Variants in EFL1 observed in about 807,000 individuals in gnomAD.
The protein encoded by EFL1 is elongation factor like GTPase 1.
In EFL1, 76 loss-of-function variants were observed where a neutral mutation model predicts 126.7. The observed-to-expected ratio is 0.60, with a 90% confidence interval of 0.50 to 0.73. The LOEUF is 0.73. Among genes scored for constraint, EFL1 ranks in the 30% least tolerant of loss-of-function variants. EFL1 has a pLI of 0.00. For missense variants in EFL1, 1,128 were observed against 1,343.2 expected (o/e 0.84, Z 2.50); for synonymous variants, 410 against 448.4 (o/e 0.91, Z 1.08).
At chr15:82,240,774 G>A (rs1005955205) in intron 5 of EFL1, among the ~76,000 whole-genome samples, 1 of 152,210 alleles carries the variant, frequency 6.6e-6, no homozygotes, top group Non-Finnish European at 1.5e-5. Context: ...AATAAGGCCG[G>A]GCATGGTGGG....
chr15:82,147,686 AAATACAACTAACACACAC>A (rs1355952406), intron 18 of EFL1, among the ~76,000 whole-genome samples: 3 of 152,106 alleles, frequency 2.0e-5, no homozygotes, highest in Non-Finnish European at 4.4e-5. Flanking sequence ...ACAGGAAAAA[AAATACAACTAACACACAC>A]CATAGGTTCT....
At chr15:82,209,365 C>A (rs1170123828) in intron 15 of EFL1, among the ~76,000 whole-genome samples, 1 of 145,488 alleles carries the variant, frequency 6.9e-6, no homozygotes, top group African/African-American at 2.7e-5. Context: ...ATTATCAACA[C>A]TGACTTCCTA....
chr15:82,152,314 T>C lies in EFL1; in HGVS notation c.2140A>G (p.Lys714Glu). 1 of 1,614,120 alleles carries C rather than the reference T, an allele frequency of 6.2e-7. No individual in the cohort carries two copies. Among genetic ancestry groups the C allele is most frequent in the Non-Finnish European group, 8.5e-7 (1 of 1,180,008 alleles). ...TTCATTTGGTGTATGACTGCAACTT[T>C]TTGCTGTTTGCCTATTTCTTCATTG... ...MVNEEIGKQQKVAVIHQMKED... is the reference protein window; with the variant it reads ...MVNEEIGKQQEVAVIHQMKED... The change falls in exon 18 of 20, where the codon AAA becomes GAA. Residue 714 changes from lysine to glutamate, a missense_variant. Lys to Glu is a moderately conservative substitution (Grantham distance 56). Coordinates refer to ENST00000268206, the MANE Select transcript of EFL1 (RefSeq NM_024580.6).
intron 11 of EFL1, among the ~76,000 whole-genome samples, chr15:82,225,975 A>T (rs570147418): frequency 1.8e-4 from 28 of 152,340 alleles, no homozygotes; most frequent in African/African-American, 6.7e-4. Flanking sequence ...AAGAAAAAAG[A>T]AAACCACAGG....
chr15:82,258,554 C>G (rs893628678), intron 3 of EFL1, among the ~76,000 whole-genome samples: 5 of 152,114 alleles, frequency 3.3e-5, no homozygotes, highest in African/African-American at 1.2e-4. Flanking sequence ...GATCCTGTCT[C>G]AAAAACAAAA....
rs565847050 is a variant in EFL1, at chr15:82,130,881, G to A, written c.3175-320C>T. Among the ~76,000 whole-genome samples the A allele has an allele frequency of 6.6e-5, 10 of 152,204 alleles. 1 individual carries two copies. The highest frequency in any genetic ancestry group is 1.9e-4 in the East Asian group (1 of 5,158). On this transcript the variant is annotated intron_variant, in intron 19 of 19. Coordinates refer to ENST00000268206, the MANE Select transcript of EFL1 (RefSeq NM_024580.6). ...ACAACAAAAATTAGCTGGGTGGGGCGGCATGTGCCTGTAGTCCCTGCTACT... is the reference window on the plus strand; with the variant it reads ...ACAACAAAAATTAGCTGGGTGGGGCAGCATGTGCCTGTAGTCCCTGCTACT...
intron 15 of EFL1, among the ~76,000 whole-genome samples, chr15:82,201,971 C>T (rs1014969667): frequency 3.3e-5 from 5 of 151,434 alleles, no homozygotes; most frequent in Non-Finnish European, 7.4e-5. Context: ...CACTCCAACC[C>T]GAATCTGGAG....
chr15:82,246,120 C>T (rs1343054475), intron 4 of EFL1, among the ~76,000 whole-genome samples: 3 of 152,180 alleles, frequency 2.0e-5, no homozygotes, highest in African/African-American at 7.2e-5. Flanking sequence ...TGGCCTCACC[C>T]GCTTTTGGTT....
rs71156029 is a variant in EFL1, at chr15:82,185,169, C to CTGTG, written c.1751-21189_1751-21186dup. Among the ~76,000 whole-genome samples, 783 of 139,978 alleles carry CTGTG rather than the reference C, an allele frequency of 5.6e-3. 4 individuals are homozygous for CTGTG. Among genetic ancestry groups the CTGTG allele is most frequent in the South Asian group, 0.016 (63 of 4,056 alleles). The allele number at this position is 139,978 out of a possible 152,430, so 91.8% of individuals were successfully genotyped here. On this transcript the variant is annotated intron_variant, in intron 15 of 19. Coordinates refer to ENST00000268206, the MANE Select transcript of EFL1 (RefSeq NM_024580.6). ...ATCCTTAGGAATGTTTCATGTGTGG[C>CTGTG]TGTGTGTGTGTGTGTGTGTGTGTGT...
At chr15:82,258,973 C>G in intron 3 of EFL1, 115 bp downstream of exon 3, 1 of 937,946 alleles carries the variant, frequency 1.1e-6, no homozygotes, top group Non-Finnish European at 1.7e-6. Flanking sequence ...AGCTTTTAGA[C>G]GCAAGAATTA....
intron 15 of EFL1, among the ~76,000 whole-genome samples, chr15:82,169,784 G>A (rs2074114963): frequency 6.6e-6 from 1 of 152,058 alleles, no homozygotes; most frequent in Non-Finnish European, 1.5e-5. Context: ...TCAACTTTCT[G>A]TTAGTCTTTC....
chr15:82,218,800 T>C (rs534644817), intron 14 of EFL1, among the ~76,000 whole-genome samples: 6 of 152,326 alleles, frequency 3.9e-5, no homozygotes, highest in African/African-American at 1.2e-4. Flanking sequence ...AGGATTAAAC[T>C]GCTAAAACTC....
chr15:82,253,230 G>A (rs1322965454), intron 3 of EFL1, among the ~76,000 whole-genome samples: 2 of 152,146 alleles, frequency 1.3e-5, no homozygotes, highest in East Asian at 3.9e-4. Flanking sequence ...AGTAGAGACA[G>A]GGTTTCGCCA....
At chr15:82,143,987 C>T (rs192829041) in intron 18 of EFL1, among the ~76,000 whole-genome samples, 108 of 152,264 alleles carry the variant, frequency 7.1e-4, no homozygotes, top group Admixed American at 3.8e-3. Context: ...TACGCTCGCA[C>T]GCCTGGCTAG....
rs1194947115 is a variant in EFL1 at position 82,227,484 on chromosome 15, G to C, written c.1158C>G (p.Asp386Glu). ...GTGCTTGAGTTTCTGGTGGAAAAGA[G>C]TCAAAAGTTTGTGATCCTGTGCACA... is the stretch of plus-strand genomic sequence containing the variant. ...RLMCTGSQTF[D>E]SFPPETQALK... The change falls in exon 11 of 20, where the codon GAC (aspartate) becomes GAG (glutamate). Residue 386 changes from aspartate to glutamate, a missense_variant. Around this residue, in one of 6 missense-constraint regions of EFL1, gnomAD observed 316 missense variants for 318.5 expected, o/e 0.99. Transcript: ENST00000268206. 1 of 1,614,164 alleles carries C rather than the reference G, an allele frequency of 6.2e-7. No homozygotes were observed. Among genetic ancestry groups the C allele is most frequent in the Non-Finnish European group, 8.5e-7 (1 of 1,180,006 alleles).
At chr15:82,165,507 G>A (rs1474528940) in intron 15 of EFL1, among the ~76,000 whole-genome samples, 1 of 152,116 alleles carries the variant, frequency 6.6e-6, no homozygotes, top group Non-Finnish European at 1.5e-5. Context: ...CTTGTTGTCC[G>A]ACTACACAGT....
chr15:82,138,948 T>G, intron 18 of EFL1, 106 bp from the exon 19 acceptor site: 1 of 1,061,102 alleles, frequency 9.4e-7, no homozygotes, highest in Non-Finnish European at 1.3e-6. Flanking sequence ...ATGATTAAAT[T>G]TGTTCTCAAT....
At chr15:82,160,278 G>C (rs1774609360) in intron 16 of EFL1, among the ~76,000 whole-genome samples, 1 of 152,214 alleles carries the variant, frequency 6.6e-6, no homozygotes, top group Admixed American at 6.5e-5. Context: ...CCCATGTTTG[G>C]AAGTACAGTT....
chr15:82,238,197 C>A, intron 7 of EFL1, 110 bp downstream of exon 7: 1 of 1,221,252 alleles, frequency 8.2e-7, no homozygotes, highest in South Asian at 1.5e-5. Context: ...TGCATTATCT[C>A]TTACAACTAT....
Sources: allele counts gnomAD v4.1 joint callset (sites outside exome capture counted in the v4.1 genomes callset), GRCh38; gene constraint gnomAD v4.1.1; regional missense constraint gnomAD v4.1.1; transcripts MANE v1.5; gene names NCBI Gene and HGNC (gene_info 2026-07-23, HGNC 2026-07-21).